KLHL24: variants seen among roughly 807,000 people sequenced by gnomAD.
The protein encoded by KLHL24 is kelch-like protein 24.
In KLHL24, 29 loss-of-function variants were observed where a neutral mutation model predicts 53.4. The observed-to-expected ratio is 0.54, with a 90% CI of 0.40 to 0.74. KLHL24 has a LOEUF of 0.74. Ranked by LOEUF, KLHL24 falls within the 30% of genes least tolerant of loss-of-function variation. KLHL24 has a pLI of 0.00. For synonymous variants in KLHL24, 222 were observed against 253.7 expected, an observed-to-expected ratio of 0.88 and a Z score of 1.19; for missense variants, 504 against 744.0, an observed-to-expected ratio of 0.68 and a Z score of 3.75.
At chr3:183,674,685 T>C (rs947294817) in intron 7 of KLHL24, among the ~76,000 whole-genome samples, 1 of 152,218 alleles carries the variant, frequency 6.6e-6, no homozygotes, top group African/African-American at 2.4e-5. Context: ...AATCTACTTA[T>C]TGTCTCTTCT....
At chr3:183,676,058 A>C (rs6806883) in intron 7 of KLHL24, among the ~76,000 whole-genome samples, 43,056 of 152,116 alleles carry the variant, frequency 0.28, 6,272 homozygotes, top group Middle Eastern at 0.35. Context: ...AACAAAGACA[A>C]ATAATTGAAG....
Position 183,679,546 on chromosome 3 carries a change from A to G in KLHL24, c.*260A>G, listed in dbSNP as rs950073358. On this transcript the variant is annotated 3_prime_UTR_variant, in exon 8 of 8. Coordinates refer to ENST00000242810, the MANE Select transcript of KLHL24 (RefSeq NM_017644.3). ...AGAGTGTACCTTTGTAAGTATTTGT[A>G]AGAAGTCTATGTGAATTAGGAAATG... 1 of 403,420 alleles carries G rather than the reference A, an allele frequency of 2.5e-6. No individual in the cohort carries two copies. Among genetic ancestry groups the G allele is most frequent in the African/African-American group, 2.0e-5 (1 of 49,282 alleles). The allele number at this position is 403,420 out of a possible 1,614,324, so 25.0% of individuals were successfully genotyped here. A position where few individuals can be genotyped will look rare whatever the true frequency, so the allele number is the denominator to read the frequency against.
chr3:183,654,763 G>C (rs1361433040), intron 3 of KLHL24, among the ~76,000 whole-genome samples: 1 of 152,144 alleles, frequency 6.6e-6, no homozygotes, highest in Non-Finnish European at 1.5e-5. Flanking sequence ...TGTCAATGGG[G>C]AAGTTGTCCA....
chr3:183,651,335 C>T, intron 3 of KLHL24, 59 bp downstream of exon 3: 1 of 1,208,074 alleles, frequency 8.3e-7, no homozygotes, highest in South Asian at 1.5e-5. Flanking sequence ...TTTAAACCTC[C>T]TGAATGCAAT....
At position 183,651,052 on chromosome 3, in the gene KLHL24, C is replaced by T. The variant is rs568200913; in HGVS notation, c.696C>T (p.Ala232=). ...VIGKEEMVFE[A]VMRWVYRAVD... ...GTAAAGAGGAGATGGTTTTTGAAGC[C>T]GTCATGCGTTGGGTCTATCGTGCCG... The change falls in exon 3 of 8, where the codon GCC becomes GCT. Residue 232 remains alanine (A), a synonymous_variant. Coordinates refer to ENST00000242810, the MANE Select transcript of KLHL24 (RefSeq NM_017644.3). The T allele has an allele frequency of 5.5e-5, 89 of 1,614,118 alleles. No homozygotes were observed. Among genetic ancestry groups the T allele is most frequent in the Non-Finnish European group, 6.9e-5 (82 of 1,179,990 alleles).
intron 3 of KLHL24, among the ~76,000 whole-genome samples, chr3:183,660,936 GCT>G (rs1719665321): frequency 6.8e-6 from 1 of 147,746 alleles, no homozygotes; most frequent in Non-Finnish European, 1.5e-5. Flanking sequence ...GTGGTGGCGG[GCT>G]CCTGTAGTCC....
chr3:183,662,090 T>G (rs993860881), intron 3 of KLHL24, among the ~76,000 whole-genome samples: 1 of 152,194 alleles, frequency 6.6e-6, no homozygotes, highest in Non-Finnish European at 1.5e-5. Context: ...AATATTTAGG[T>G]CCTTCTGTTA....
chr3:183,681,560 ATT>A lies in KLHL24; in HGVS notation c.*2279_*2280del, dbSNP rs1396546140. The stretch of plus-strand genomic sequence containing the variant: ...AAACACAGACCTCACACCAATATTA[ATT>A]TTTTCTCTACATAATTTAAAACTAC... On this transcript the variant is annotated 3_prime_UTR_variant, in exon 8 of 8. Transcript: ENST00000242810. 1 of 152,246 alleles carries A rather than the reference ATT, an allele frequency of 6.6e-6. No individual in the cohort carries two copies. Among genetic ancestry groups the A allele is most frequent in the Non-Finnish European group, 1.5e-5 (1 of 67,828 alleles). 9.4% of individuals were successfully genotyped at this position (152,246 alleles called of 1,614,324 possible). A position where few individuals can be genotyped will look rare whatever the true frequency, so the allele number is the denominator to read the frequency against.
chr3:183,676,144 A>G (rs1219910229), intron 7 of KLHL24, among the ~76,000 whole-genome samples: 1 of 152,184 alleles, frequency 6.6e-6, no homozygotes, highest in African/African-American at 2.4e-5. Flanking sequence ...TACTAAATAC[A>G]TCTATGCACA....
chr3:183,647,370 C>T (rs1018002932), intron 2 of KLHL24, among the ~76,000 whole-genome samples: 1 of 149,372 alleles, frequency 6.7e-6, no homozygotes, highest in Admixed American at 6.6e-5. Flanking sequence ...GAGCTGAGAT[C>T]GTGCCACTGC....
chr3:183,667,022 A>T (rs1343219769), intron 5 of KLHL24, among the ~76,000 whole-genome samples: 1 of 152,168 alleles, frequency 6.6e-6, no homozygotes, highest in African/African-American at 2.4e-5. Context: ...ACCACCAATA[A>T]AAAAACAAAG....
At chr3:183,646,679 A>G (rs559676617) in intron 2 of KLHL24, among the ~76,000 whole-genome samples, 5 of 152,316 alleles carry the variant, frequency 3.3e-5, no homozygotes, top group Admixed American at 1.3e-4. Context: ...GTTAAGTGCT[A>G]ATTGATATGA....
At chr3:183,678,187 A>G (rs775683269) in intron 7 of KLHL24, among the ~76,000 whole-genome samples, 1 of 152,270 alleles carries the variant, frequency 6.6e-6, no homozygotes, top group Non-Finnish European at 1.5e-5. Flanking sequence ...AATTTAGCTT[A>G]GAATCCCATT....
chr3:183,645,458 G>C (rs1717087488), intron 2 of KLHL24, among the ~76,000 whole-genome samples: 1 of 152,222 alleles, frequency 6.6e-6, no homozygotes, highest in Non-Finnish European at 1.5e-5. Context: ...GTTAAGCTGT[G>C]TGTATGCACA....
At chr3:183,649,569 A>G (rs1717837964) in intron 2 of KLHL24, among the ~76,000 whole-genome samples, 1 of 152,112 alleles carries the variant, frequency 6.6e-6, no homozygotes, top group African/African-American at 2.4e-5. Context: ...ACATATTTTT[A>G]AAGGCTATTG....
Position 183,679,172 on chromosome 3 carries a change from CTG to C in KLHL24, c.1691_1692del (p.Cys564LeufsTer2). 6.2e-7 allele frequency: 1 copy of C among 1,613,944 alleles called. No individual in the cohort carries two copies. The highest frequency in any genetic ancestry group is 8.5e-7 in the Non-Finnish European group (1 of 1,179,848). ...ENGEATDTILCYDPATSIITG... is the reference protein window; with the variant it reads ...ENGEATDTILXYDPATSIITG... ...ATGGAGAAGCCACAGACACTATTCT[CTG>C]TTATGATCCTGCAACAAGTATCATC... On this transcript the variant is annotated frameshift_variant, in exon 8 of 8. Coordinates refer to ENST00000242810, the MANE Select transcript of KLHL24 (RefSeq NM_017644.3). LOFTEE classifies it high-confidence loss of function.
At chr3:183,640,201 G>T (rs1183760135) in intron 1 of KLHL24, among the ~76,000 whole-genome samples, 3 of 152,176 alleles carry the variant, frequency 2.0e-5, no homozygotes, top group Non-Finnish European at 2.9e-5. Flanking sequence ...GCATGAGTAG[G>T]CTCAATAGGG....
intron 1 of KLHL24, among the ~76,000 whole-genome samples, chr3:183,639,499 G>A (rs1368651313): frequency 4.0e-5 from 6 of 150,732 alleles, no homozygotes; most frequent in Non-Finnish European, 8.9e-5. Flanking sequence ...GCGTAGCGGC[G>A]GGCGCCTGTA....
At position 183,650,929 on chromosome 3, in the gene KLHL24, G is replaced by T. The variant is rs780098904; in HGVS notation, c.573G>T (p.Ala191=). 3 of 1,614,032 alleles carry T rather than the reference G, an allele frequency of 1.9e-6. No individual in the cohort carries two copies. The highest frequency in any genetic ancestry group is 2.5e-6 in the Non-Finnish European group (3 of 1,180,034). The change falls in exon 3 of 8, where the codon GCG becomes GCT. Residue 191 remains alanine, a synonymous_variant. Coordinates refer to ENST00000242810, the MANE Select transcript of KLHL24 (RefSeq NM_017644.3). This position sits in a 1 kb window ranked among gnomAD's most constrained non-coding sequence, Gnocchi z 4.5. The part of the protein sequence containing the change: ...KTLFTKCKNF[A]LQTFEDVSQH... ...TCTTCACAAAATGCAAAAATTTTGC[G>T]TTACAGACTTTTGAGGATGTATCCC...
Sources: gnomAD v4.1 joint callset for allele counts (sites outside exome capture counted in the v4.1 genomes callset) on GRCh38, gnomAD v4.1.1 for gene constraint, Gnocchi (gnomAD v3.1) non-coding constraint, MANE v1.5 for transcripts, NCBI Gene and HGNC (gene_info 2026-07-23, HGNC 2026-07-21) for gene names.